PRPF6: variants seen among roughly 807,000 people sequenced by gnomAD.
The protein encoded by PRPF6 is pre-mRNA-processing factor 6.
PRPF6 carries 42 observed loss-of-function variants against 118.3 expected under a neutral mutation model. The observed-to-expected ratio is 0.35, with a 90% CI of 0.28 to 0.46. The LOEUF (loss-of-function observed/expected upper bound fraction) is 0.46, where lower values mean the gene tolerates loss of function less well. PRPF6 is among the 20% of genes least tolerant of loss of function. The pLI, the probability that PRPF6 is intolerant of heterozygous loss-of-function variation, is 1.00. For synonymous variants in PRPF6, 481 were observed against 485.1 expected (o/e 0.99, Z 0.11); for missense variants, 662 against 1,255.7 (o/e 0.53, Z 7.15).
chr20:63,982,667 G>A (rs910723778), intron 1 of PRPF6, among the ~76,000 whole-genome samples: 3 of 152,128 alleles, frequency 2.0e-5, no homozygotes, highest in African/African-American at 7.2e-5. Flanking sequence ...GGAGAGGGAG[G>A]CAAAAATTAC....
chr20:64,025,317 G>A (rs995800021), intron 14 of PRPF6, among the ~76,000 whole-genome samples: 5 of 152,290 alleles, frequency 3.3e-5, no homozygotes, highest in Non-Finnish European at 7.4e-5. Context: ...TGCCTGTCAC[G>A]TGGCTTCCTT....
At chr20:63,993,562 AC>A in intron 4 of PRPF6, 77 bp downstream of exon 4, 2 of 1,236,102 alleles carry the variant, frequency 1.6e-6, no homozygotes, top group Admixed American at 3.5e-5. Context: ...GACTGCTCTT[AC>A]GTGGAATTTA....
At chr20:64,018,937 G>A (rs745444753) in intron 12 of PRPF6, among the ~76,000 whole-genome samples, 8 of 152,264 alleles carry the variant, frequency 5.3e-5, no homozygotes, top group East Asian at 1.9e-4. Context: ...GGCATTGACC[G>A]TGTGATACAC....
chr20:64,010,527 A>G (rs1488059460), intron 10 of PRPF6, among the ~76,000 whole-genome samples: 1 of 152,220 alleles, frequency 6.6e-6, no homozygotes, highest in Non-Finnish European at 1.5e-5. Context: ...CTGTGCTCTT[A>G]ATGGACGTGC....
chr20:63,981,664 C>T (rs2059069151), intron 1 of PRPF6, among the ~76,000 whole-genome samples: 1 of 149,152 alleles, frequency 6.7e-6, no homozygotes, highest in African/African-American at 2.5e-5. Flanking sequence ...GCCCGCCCGC[C>T]CGCCCCGCCT....
chr20:64,009,295 AAAAAAAAAG>A (rs2059204191), intron 9 of PRPF6, among the ~76,000 whole-genome samples: 1 of 151,790 alleles, frequency 6.6e-6, no homozygotes, highest in Non-Finnish European at 1.5e-5. Flanking sequence ...AAAAAAAAAA[AAAAAAAAAG>A]AGAGGTATTT....
chr20:64,016,116 T>C (rs1159557603), intron 11 of PRPF6, among the ~76,000 whole-genome samples: 5 of 147,870 alleles, frequency 3.4e-5, no homozygotes, highest in African/African-American at 1.2e-4. Context: ...AGACCTTGAC[T>C]CTCTCTCTTT....
At position 64,028,488 on chromosome 20, in the gene PRPF6, G is replaced by C; in HGVS notation, c.2350G>C (p.Val784Leu). 2 of 1,613,864 alleles carry C rather than the reference G, an allele frequency of 1.2e-6. No homozygotes were observed. Among genetic ancestry groups the C allele is most frequent in the East Asian group, 2.2e-5 (1 of 44,874 alleles). Residue 784 changes from valine to leucine, a missense_variant, in exon 18 of 21, where the codon GTG (valine) becomes CTG (leucine). Physicochemically the swap from Val to Leu is conservative, Grantham distance 32. Coordinates refer to ENST00000266079, the MANE Select transcript of PRPF6 (RefSeq NM_012469.4). This position sits in a 1 kb window ranked among gnomAD's most constrained non-coding sequence, Gnocchi z 6.5. ...GGCCTGTCTCCTCAGGTTGGAGTCC[G>C]TGCGGCTGGAGTACCGTGCGGGGCT... is the stretch of plus-strand genomic sequence containing the variant. ...PKNPGLWLES[V>L]RLEYRAGLKN... is the part of the protein sequence containing the mutation.
intron 4 of PRPF6, among the ~76,000 whole-genome samples, chr20:63,994,244 G>A (rs1343166415): frequency 6.8e-6 from 1 of 146,488 alleles, no homozygotes; most frequent in East Asian, 2.0e-4. Flanking sequence ...CGCAACCTCC[G>A]CCTCCCAGGT....
chr20:64,006,151 A>C (rs2059188832), intron 9 of PRPF6, among the ~76,000 whole-genome samples: 1 of 152,012 alleles, frequency 6.6e-6, no homozygotes, highest in Non-Finnish European at 1.5e-5. Flanking sequence ...TGTTTTTAGG[A>C]CTGGCCTCTA....
chr20:64,006,163 A>ATC (rs533592802), intron 9 of PRPF6, among the ~76,000 whole-genome samples: 233 of 152,130 alleles, frequency 1.5e-3, no homozygotes, highest in African/African-American at 5.2e-3. Context: ...TGGCCTCTAG[A>ATC]TAGTCTCCCA....
intron 12 of PRPF6, among the ~76,000 whole-genome samples, chr20:64,017,440 G>A (rs970739333): frequency 8.6e-5 from 13 of 150,562 alleles, no homozygotes; most frequent in African/African-American, 3.2e-4. Context: ...TGGGATCACA[G>A]GCGTGAGCCG....
chr20:64,007,699 T>C (rs2123044228), intron 9 of PRPF6, among the ~76,000 whole-genome samples: 1 of 152,208 alleles, frequency 6.6e-6, no homozygotes. Flanking sequence ...ATTCCTGGGC[T>C]CAAGCGATCC....
rs1254132782 is a variant in PRPF6 at position 64,027,012 on chromosome 20, G to C, written c.2059G>C (p.Val687Leu). The stretch of plus-strand genomic sequence containing the variant: ...CATGAAGTCTGTGAAGCTGGAGTGG[G>C]TGCAAGACAACATCAGGGCAGCCCA... ...VFMKSVKLEW[V>L]QDNIRAAQDL... The change falls in exon 16 of 21, where the codon GTG becomes CTG. Residue 687 changes from valine (V) to leucine (L), a missense_variant. Val to Leu is a conservative substitution (Grantham distance 32). Around this residue, in one of 10 missense-constraint regions of PRPF6, gnomAD observed 244 missense variants for 383.7 expected, o/e 0.64. Coordinates refer to ENST00000266079, the MANE Select transcript of PRPF6 (RefSeq NM_012469.4). This position sits in a 1 kb window ranked among gnomAD's most constrained non-coding sequence, Gnocchi z 6.5. 4 of 1,613,890 alleles carry C rather than the reference G, an allele frequency of 2.5e-6. No homozygotes were observed. The highest frequency in any genetic ancestry group is 3.3e-5 in the Admixed American group (2 of 59,980).
rs764615574 is a variant in PRPF6 at position 64,026,506 on chromosome 20, GCAA to G, written c.2029-460_2029-458del. ...GGGCAGCAAGAGGGAAACTGTCTCA[GCAA>G]CAACAACAACAACAAACATGTTCAT... On this transcript the variant is annotated intron_variant, in intron 15 of 20. Transcript: ENST00000266079. This position sits in a 1 kb window ranked among gnomAD's most constrained non-coding sequence, Gnocchi z 4.4. Among the ~76,000 whole-genome samples, 8 of 143,154 alleles carry G rather than the reference GCAA, an allele frequency of 5.6e-5. No homozygotes were observed. The highest frequency in any genetic ancestry group is 2.1e-4 in the East Asian group (1 of 4,658). The allele number at this position is 143,154 out of a possible 152,430, so 93.9% of individuals were successfully genotyped here.
chr20:64,000,360 G>T (rs535122308), intron 8 of PRPF6, among the ~76,000 whole-genome samples: 12 of 151,316 alleles, frequency 7.9e-5, no homozygotes, highest in African/African-American at 1.9e-4. Context: ...GTCGTGACAG[G>T]TGCCCATAAT....
Position 63,983,031 on chromosome 20 carries a change from TGGG to T in PRPF6, c.72-13_72-11del. 2 of 1,613,456 alleles carry T rather than the reference TGGG, an allele frequency of 1.2e-6. No individual in the cohort carries two copies. Among genetic ancestry groups the T allele is most frequent in the Non-Finnish European group, 1.7e-6 (2 of 1,179,752 alleles). The stretch of plus-strand genomic sequence containing the variant: ...AGAGTTATTCAGACACCCGGTGTCT[TGGG>T]GGTCTCCTGCAGCGCCACTGGCTTC... On this transcript the variant is annotated splice_polypyrimidine_tract_variant and intron_variant, in intron 1 of 20. Transcript: ENST00000266079.
chr20:63,996,402 C>A lies in PRPF6; in HGVS notation c.771+920C>A, dbSNP rs1159335798. ...ATGGCTGGCTACATACAGCCTTGAC[C>A]TCCCTGGGCTAAGGCGATCCTTCCA... On this transcript the variant is annotated intron_variant, in intron 6 of 20. Transcript: ENST00000266079. 2.0e-5 allele frequency among the ~76,000 whole-genome samples: 3 copies of A among 152,106 alleles called. No homozygotes were observed. In the East Asian group the frequency reaches 5.8e-4, roughly 29 times the overall value.
chr20:64,019,121 G>T (rs1231416790), intron 12 of PRPF6, among the ~76,000 whole-genome samples: 1 of 139,390 alleles, frequency 7.2e-6, no homozygotes, highest in East Asian at 2.1e-4. Flanking sequence ...TTGGGACAGA[G>T]TCTCACTCTG....
Sources: allele counts gnomAD v4.1 joint callset (sites outside exome capture counted in the v4.1 genomes callset), GRCh38; gene constraint gnomAD v4.1.1; regional missense constraint gnomAD v4.1.1; non-coding constraint Gnocchi (gnomAD v3.1); transcripts MANE v1.5; gene names NCBI Gene and HGNC (gene_info 2026-07-23, HGNC 2026-07-21).